The following ERMP1 variants were observed in gnomAD, a reference collection of about 807,000 sequenced individuals.
ERMP1 encodes endoplasmic reticulum metallopeptidase 1.
In ERMP1, 86 loss-of-function variants were observed where a neutral mutation model predicts 92.0. The ratio of observed to expected loss-of-function variants is 0.93; its 90% CI spans 0.79 to 1.12. The LOEUF (loss-of-function observed/expected upper bound fraction) is 1.12. Ranked by LOEUF, ERMP1 falls within the 50% of genes most tolerant of loss-of-function variation. The pLI, the probability that ERMP1 is intolerant of heterozygous loss-of-function variation, is 0.00. For synonymous variants in ERMP1, 530 were observed against 412.8 expected (o/e 1.28, Z -3.44); for missense variants, 1,342 against 1,116.3 (o/e 1.20, Z -2.88).
chr9:5,854,102 G>A (rs1830342872), intron 6 of ERMP1, among the ~76,000 whole-genome samples: 1 of 151,760 alleles, frequency 6.6e-6, no homozygotes, highest in African/African-American at 2.4e-5. Context: ...AAAAGAAAGG[G>A]GTTTGGGCTC....
At position 5,805,603 on chromosome 9, in the gene ERMP1, T is replaced by C. The variant is rs116307236; in HGVS notation, c.1723+8A>G. 7.1e-4 allele frequency: 1,106 copies of C among 1,554,494 alleles called. 4 individuals are homozygous for C. In the African/African-American group the frequency reaches 0.014, roughly 19 times the overall value. On this transcript the variant is annotated splice_region_variant and intron_variant, in intron 9 of 14. Coordinates refer to ENST00000339450, the MANE Select transcript of ERMP1 (RefSeq NM_024896.3). The stretch of plus-strand genomic sequence containing the variant: ...CTCCCATGTATATCAAAATCAAAAA[T>C]ACCCTACCATGCTGCTTGAAGTCCT...
rs756231116 is a variant in ERMP1, at chr9:5,830,812, A to G, written c.555T>C (p.Asn185=). The G allele has an allele frequency of 6.2e-7, 1 of 1,613,988 alleles. No homozygotes were observed. The highest frequency in any genetic ancestry group is 1.3e-5 in the African/African-American group (1 of 74,900). Residue 185 remains asparagine (N), a synonymous_variant, in exon 2 of 15, where the codon AAT becomes AAC. Coordinates refer to ENST00000339450, the MANE Select transcript of ERMP1 (RefSeq NM_024896.3). ...GFTSYYDNIT[N]VVVKLEPRDG... ...CTCTGGGTTCCAGCTTTACCACAAC[A>G]TTGGTGATGTTGTCATAATAGCTTG...
At chr9:5,824,622 C>G (rs1829666915) in intron 3 of ERMP1, among the ~76,000 whole-genome samples, 1 of 151,942 alleles carries the variant, frequency 6.6e-6, no homozygotes, top group Non-Finnish European at 1.5e-5. Context: ...AGGCTGGTCT[C>G]AAACTCCTGA....
chr9:5,834,017 C>A (rs140112336), upstream of ERMP1, among the ~76,000 whole-genome samples: 1 of 152,182 alleles, frequency 6.6e-6, no homozygotes, highest in Non-Finnish European at 1.5e-5. Flanking sequence ...TAGAGACCAA[C>A]TGGGAGAGCA....
At chr9:5,832,045 T>G (rs1175521366) in intron 1 of ERMP1, among the ~76,000 whole-genome samples, 3 of 151,206 alleles carry the variant, frequency 2.0e-5, no homozygotes, top group African/African-American at 7.3e-5. Context: ...GGTTACAATA[T>G]CTTTGACTTA....
intron 6 of ERMP1, among the ~76,000 whole-genome samples, chr9:5,857,483 A>T (rs999529871): frequency 6.6e-6 from 1 of 152,200 alleles, no homozygotes; most frequent in Non-Finnish European, 1.5e-5. Context: ...GGGGATTACA[A>T]ATAGATTTTA....
At chr9:5,817,679 T>A (rs1211237657) in intron 4 of ERMP1, among the ~76,000 whole-genome samples, 1 of 152,190 alleles carries the variant, frequency 6.6e-6, no homozygotes, top group Non-Finnish European at 1.5e-5. Context: ...TCATCTTTCT[T>A]AATGCAAAGA....
At chr9:5,800,579 G>C (rs746680288) in intron 11 of ERMP1, among the ~76,000 whole-genome samples, 5 of 152,286 alleles carry the variant, frequency 3.3e-5, no homozygotes, top group South Asian at 2.1e-4. Context: ...GGGAGTCTGA[G>C]GCAGGAGAAT....
intron 13 of ERMP1, chr9:5,791,187 G>A (rs139627159): frequency 4.2e-4 from 191 of 456,596 alleles, no homozygotes; most frequent in Admixed American, 1.2e-3. Flanking sequence ...GAAAGAGAGA[G>A]AGAGACAGAG....
intron 8 of ERMP1, among the ~76,000 whole-genome samples, chr9:5,806,458 C>T (rs1490787688): frequency 1.4e-5 from 2 of 147,878 alleles, no homozygotes; most frequent in East Asian, 2.0e-4. Context: ...GACAGGTTCT[C>T]GCTCTGTCGC....
chr9:5,791,159 A>G (rs1431234942), intron 13 of ERMP1: 1 of 453,564 alleles, frequency 2.2e-6, no homozygotes, highest in Non-Finnish European at 4.4e-6. Flanking sequence ...AGGGAAACCA[A>G]CAGGATGTGT....
upstream of ERMP1, among the ~76,000 whole-genome samples, chr9:5,836,969 C>G (rs6477001): frequency 0.94 from 143,240 of 152,236 alleles, 67,974 homozygotes; most frequent in East Asian, 1. Flanking sequence ...GTGTTTTCTA[C>G]GTCCCTGTAT....
intron 2 of ERMP1, 133 bp downstream of exon 2, chr9:5,830,594 C>T: frequency 3.2e-6 from 2 of 634,108 alleles, no homozygotes; most frequent in South Asian, 4.1e-5. Flanking sequence ...TCCTAATTAT[C>T]CTGCTTTCCA....
At chr9:5,795,628 A>G (rs1188148866) in intron 13 of ERMP1, among the ~76,000 whole-genome samples, 1 of 152,164 alleles carries the variant, frequency 6.6e-6, no homozygotes, top group Admixed American at 6.5e-5. Context: ...AATTACAAAA[A>G]TTAGCCAGGT....
intron 5 of ERMP1, among the ~76,000 whole-genome samples, chr9:5,861,199 G>A (rs4740825): frequency 0.29 from 42,978 of 146,498 alleles, 6,597 homozygotes; most frequent in East Asian, 0.51. Flanking sequence ...GTGTGTGTGT[G>A]TGTGTGTGTG....
intron 4 of ERMP1, among the ~76,000 whole-genome samples, chr9:5,815,495 A>C (rs1336213927): frequency 1.8e-5 from 1 of 55,992 alleles, no homozygotes; most frequent in Non-Finnish European, 4.4e-5. Flanking sequence ...CTGAAATAAC[A>C]AAAAAAAAAA....
At chr9:5,845,192 T>A in intron 6 of ERMP1, among the ~76,000 whole-genome samples, 1 of 151,972 alleles carries the variant, frequency 6.6e-6, no homozygotes, top group East Asian at 1.9e-4. Context: ...TTTTTATAAA[T>A]CATTGTTTCT....
chr9:5,812,247 C>A, intron 5 of ERMP1, 30 bp from the exon 6 acceptor site: 2 of 1,346,512 alleles, frequency 1.5e-6, no homozygotes, highest in East Asian at 2.3e-5. Context: ...AAAAAAAAGT[C>A]ATTTTGCTTT....
At chr9:5,810,302 C>A in intron 7 of ERMP1, 71 bp from the exon 8 acceptor site, 1 of 1,113,146 alleles carries the variant, frequency 9.0e-7, no homozygotes, top group Non-Finnish European at 1.3e-6. Context: ...GTCAGTAGAG[C>A]TAAATGGGCA....
Sources: gnomAD v4.1 joint callset for allele counts (sites outside exome capture counted in the v4.1 genomes callset) on GRCh38, gnomAD v4.1.1 for gene constraint, MANE v1.5 for transcripts, NCBI Gene and HGNC (gene_info 2026-07-23, HGNC 2026-07-21) for gene names.